AHNAK: variants seen among roughly 807,000 people sequenced by gnomAD.
The protein encoded by AHNAK is AHNAK nucleoprotein.
Under a neutral mutation model 37.8 loss-of-function variants are expected in AHNAK, and 23 were observed. That is an observed-to-expected ratio of 0.61 (90% CI 0.44 to 0.86). AHNAK has a LOEUF of 0.86. AHNAK is among the 40% of genes least tolerant of loss of function. The pLI, the probability that AHNAK is intolerant of heterozygous loss-of-function variation, is 0.00. For missense variants in AHNAK, 7,411 were observed against 7,319.4 expected (o/e 1.01, Z -0.46); for synonymous variants, 2,481 against 2,636.3 (o/e 0.94, Z 1.80).
Position 62,517,033 on chromosome 11 carries a change from G to A in AHNAK, c.17384C>T (p.Pro5795Leu), listed in dbSNP as rs745377916. 16 of 1,614,022 alleles carry A rather than the reference G, an allele frequency of 9.9e-6. No homozygotes were observed. Among genetic ancestry groups the A allele is most frequent in the South Asian group, 4.4e-5 (4 of 91,082 alleles). The stretch of plus-strand genomic sequence containing the variant: ...ACCTTCAAACTCCAGCGTCCCCGTC[G>A]GGGTGGAAGGTCCAGAGAACTCTCT... ...DEREFSGPSTPTGTLEFEGGE... is the reference protein window; with the variant it reads ...DEREFSGPSTLTGTLEFEGGE... Residue 5795 changes from proline to leucine, a missense_variant, in exon 5 of 5, where the codon CCG becomes CTG. By Grantham distance (98) the Pro-to-Leu change is moderately conservative. Coordinates refer to ENST00000378024, the MANE Select transcript of AHNAK (RefSeq NM_001620.3).
intron 4 of AHNAK, among the ~76,000 whole-genome samples, chr11:62,503,321 G>A (rs1274647704): frequency 6.6e-6 from 1 of 152,222 alleles, no homozygotes; most frequent in Non-Finnish European, 1.5e-5. Flanking sequence ...GGGCACGGTG[G>A]CTCACGCCTG....
chr11:62,536,187 A>C (rs1590686715), intron 2 of AHNAK, 89 bp from the exon 3 acceptor site: 5 of 1,402,806 alleles, frequency 3.6e-6, no homozygotes, highest in South Asian at 1.5e-5. Flanking sequence ...GGCGCTGTGA[A>C]CTCCAGGGAG....
At position 62,498,812 on chromosome 11, in the gene AHNAK, T is replaced by C. The variant is rs1939661241; in HGVS notation, c.343-6981A>G. The stretch of plus-strand genomic sequence containing the variant: ...AAATAAAAACAAAAAACAAAATAAA[T>C]AGATCTTTGGAAATGTTGGCTCTAA... On this transcript the variant is annotated intron_variant, in intron 4 of 5. Transcript: ENST00000257247. Among the ~76,000 whole-genome samples, 4 of 151,902 alleles carry C rather than the reference T, an allele frequency of 2.6e-5. No individual in the cohort carries two copies. The South Asian group carries it at 8.3e-4, about 32-fold the overall frequency.
At chr11:62,475,602 C>CTTT (rs55773953) in intron 5 of AHNAK, among the ~76,000 whole-genome samples, 4,073 of 117,468 alleles carry the variant, frequency 0.035, 277 homozygotes, top group Admixed American at 0.13. Context: ...TTATGTTATA[C>CTTT]TTTTTTTTTT....
rs781569447 is a variant in AHNAK, at chr11:62,529,856, G to C, written c.4561C>G (p.Pro1521Ala). 21 of 1,613,808 alleles carry C rather than the reference G, an allele frequency of 1.3e-5. No individual in the cohort carries two copies. The highest frequency in any genetic ancestry group is 4.4e-5 in the South Asian group (4 of 91,070). ...TCTGGGCCCTCTCCTTTAAAGCCAG[G>C]CATGCTGAACTTGGGCATTTTTACC... ...PKVKMPKFSM[P>A]GFKGEGPEVD... The change falls in exon 5 of 5, where the codon CCT becomes GCT. Residue 1521 changes from proline to alanine, a missense_variant. Transcript: ENST00000378024.
chr11:62,495,261 T>C (rs1939585906), intron 4 of AHNAK, among the ~76,000 whole-genome samples: 1 of 152,072 alleles, frequency 6.6e-6, no homozygotes, highest in Admixed American at 6.6e-5. Flanking sequence ...AAACCATCCA[T>C]TCATGTTTCA....
intron 5 of AHNAK, among the ~76,000 whole-genome samples, chr11:62,461,258 G>T (rs1938780928): frequency 7.0e-6 from 1 of 143,584 alleles, no homozygotes; most frequent in African/African-American, 2.6e-5. Flanking sequence ...TGATTCTCCT[G>T]CCCCAGCCTC....
rs749853560 is a variant in AHNAK, at chr11:62,527,732, C to A, written c.6685G>T (p.Ala2229Ser). Residue 2229 changes from alanine (A) to serine (S), a missense_variant, in exon 5 of 5, where the codon GCC becomes TCC. Ala to Ser is a moderately conservative substitution (Grantham distance 99, BLOSUM62 1). Coordinates refer to ENST00000378024, the MANE Select transcript of AHNAK (RefSeq NM_001620.3). Reference protein sequence around the residue: ...DIRGPKVDIDAPDVDVHGPDW... With the variant: ...DIRGPKVDIDSPDVDVHGPDW... Reference sequence around the variant, plus strand: ...GGGCCATGAACATCCACATCTGGGGCATCAATGTCCACTTTGGGCCCTCTG... The same window carrying A: ...GGGCCATGAACATCCACATCTGGGGAATCAATGTCCACTTTGGGCCCTCTG... The A allele has an allele frequency of 1.6e-5, 26 of 1,613,918 alleles. No individual in the cohort carries two copies. The highest frequency in any genetic ancestry group is 2.7e-5 in the African/African-American group (2 of 74,846).
chr11:62,532,681 G>A lies in AHNAK; in HGVS notation c.1736C>T (p.Ala579Val), dbSNP rs767512710. The change falls in exon 5 of 5, where the codon GCC becomes GTC. Residue 579 changes from alanine (A) to valine (V), a missense_variant. Ala to Val is a moderately conservative substitution (Grantham distance 64). Coordinates refer to ENST00000378024, the MANE Select transcript of AHNAK (RefSeq NM_001620.3). ...TACACCCCCTTTCACTTTAGGTGCG[G>A]CCACATTTAAGTCTACTTCTGACAT... ...ISMSEVDLNV[A>V]APKVKGGVDV... The A allele has an allele frequency of 7.4e-6, 12 of 1,613,732 alleles. No homozygotes were observed. Among genetic ancestry groups the A allele is most frequent in the Admixed American group, 6.7e-5 (4 of 59,960 alleles).
chr11:62,473,833 C>T (rs1411245324), intron 5 of AHNAK, among the ~76,000 whole-genome samples: 1 of 151,536 alleles, frequency 6.6e-6, no homozygotes, highest in African/African-American at 2.4e-5. Flanking sequence ...CCCACCTCTA[C>T]AAAAAAAATA....
Position 62,528,835 on chromosome 11 carries a change from T to C in AHNAK, c.5582A>G (p.Asp1861Gly). ...KAPKISMPDVDLHLKGPKVKG... is the reference protein window; with the variant it reads ...KAPKISMPDVGLHLKGPKVKG... Reference sequence around the variant, plus strand: ...GACTTTGGGGCCTTTCAGGTGTAAGTCCACATCAGGCATGGAGATCTTGGG... The same window carrying C: ...GACTTTGGGGCCTTTCAGGTGTAAGCCCACATCAGGCATGGAGATCTTGGG... Residue 1861 changes from aspartate (D) to glycine (G), a missense_variant, in exon 5 of 5, where the codon GAC (aspartate) becomes GGC (glycine). Coordinates refer to ENST00000378024, the MANE Select transcript of AHNAK (RefSeq NM_001620.3). 1 of 1,612,968 alleles carries C rather than the reference T, an allele frequency of 6.2e-7. No individual in the cohort carries two copies. Among genetic ancestry groups the C allele is most frequent in the Non-Finnish European group, 8.5e-7 (1 of 1,179,624 alleles).
In AHNAK at chr11:62,529,882, T is replaced by C. The variant is rs1940662368; in HGVS notation, c.4535A>G (p.Lys1512Arg). The C allele has an allele frequency of 6.2e-7, 1 of 1,613,674 alleles. No homozygotes were observed. The highest frequency in any genetic ancestry group is 1.7e-5 in the Admixed American group (1 of 59,980). ...CATGCTGAACTTGGGCATTTTTACCTTGGGCATCTTCAGGTGCCAGTCTGG... is the reference window on the plus strand; with the variant it reads ...CATGCTGAACTTGGGCATTTTTACCCTGGGCATCTTCAGGTGCCAGTCTGG... ...HGPDWHLKMP[K>R]VKMPKFSMPG... Residue 1512 changes from lysine (K) to arginine (R), a missense_variant, in exon 5 of 5, where the codon AAG becomes AGG. Physicochemically the swap from Lys to Arg is conservative, Grantham distance 26. Transcript: ENST00000378024.
rs115248616 is a variant in AHNAK, at chr11:62,506,724, G to A, written c.343-14893C>T. Among the ~76,000 whole-genome samples, 1,054 of 152,288 alleles carry A rather than the reference G, an allele frequency of 6.9e-3. 13 individuals are homozygous for A. The highest frequency in any genetic ancestry group is 0.024 in the African/African-American group (996 of 41,554). On this transcript the variant is annotated intron_variant, in intron 4 of 5. Transcript: ENST00000257247. ...AGTGGGTGGGGCTCGTTACAATTCA[G>A]ATGATTTGATCATAGTTTCTCCCTT...
intron 5 of AHNAK, among the ~76,000 whole-genome samples, chr11:62,486,408 C>G (rs951865277): frequency 6.6e-6 from 1 of 151,654 alleles, no homozygotes; most frequent in Admixed American, 6.6e-5. Context: ...AGGAGGCGGA[C>G]GTTGCGGTGA....
intron 4 of AHNAK, among the ~76,000 whole-genome samples, chr11:62,510,657 T>C (rs562123847): frequency 7.6e-4 from 115 of 152,010 alleles, no homozygotes; most frequent in African/African-American, 2.7e-3. Context: ...GACAGGAGAA[T>C]TGCTTGAGCC....
intron 5 of AHNAK, among the ~76,000 whole-genome samples, chr11:62,446,033 A>G (rs562527187): frequency 6.6e-6 from 1 of 152,260 alleles, no homozygotes; most frequent in East Asian, 1.9e-4. Context: ...GCAAACCAAA[A>G]CAAAAATATC....
intron 5 of AHNAK, among the ~76,000 whole-genome samples, chr11:62,455,223 G>A (rs377405140): frequency 6.0e-5 from 9 of 150,952 alleles, no homozygotes; most frequent in African/African-American, 1.7e-4. Context: ...ATGAGCCACC[G>A]CACCCGGCCA....
rs1940364246 is a variant in AHNAK, at chr11:62,523,774, A to G, written c.10643T>C (p.Ile3548Thr). Reference protein sequence around the residue: ...IKAPKISMPDIDLNLKGPKVK... With the variant: ...IKAPKISMPDTDLNLKGPKVK... ...CTTGGGGCCTTTCAAGTTTAAGTCA[A>G]TGTCAGGCATGGAGATCTTGGGAGC... is the stretch of plus-strand genomic sequence containing the variant. Residue 3548 changes from isoleucine (I) to threonine (T), a missense_variant, in exon 5 of 5, where the codon ATT becomes ACT. Physicochemically the swap from Ile to Thr is moderately conservative, Grantham distance 89 (BLOSUM62 -1). Transcript: ENST00000378024. 1 of 1,614,044 alleles carries G rather than the reference A, an allele frequency of 6.2e-7. No individual in the cohort carries two copies. Among genetic ancestry groups the G allele is most frequent in the Non-Finnish European group, 8.5e-7 (1 of 1,180,016 alleles).
chr11:62,498,994 C>A (rs1458905301), intron 4 of AHNAK, among the ~76,000 whole-genome samples: 1 of 152,148 alleles, frequency 6.6e-6, no homozygotes, highest in Non-Finnish European at 1.5e-5. Flanking sequence ...TATTAAAAAT[C>A]CCTGCCTTCA....
Sources: gnomAD v4.1 joint callset for allele counts (sites outside exome capture counted in the v4.1 genomes callset) on GRCh38, gnomAD v4.1.1 for gene constraint, MANE v1.5 for transcripts, NCBI Gene and HGNC (gene_info 2026-07-23, HGNC 2026-07-21) for gene names.